The following PTPRG variants were observed in gnomAD, a reference collection of about 807,000 sequenced individuals.
PTPRG encodes the protein receptor-type tyrosine-protein phosphatase gamma.
In PTPRG, 102 loss-of-function variants were observed where a neutral mutation model predicts 165.3. The ratio of observed to expected loss-of-function variants is 0.62; its 90% CI spans 0.53 to 0.73. The LOEUF (loss-of-function observed/expected upper bound fraction) is 0.73. Among genes scored for constraint, PTPRG ranks in the 30% least tolerant of loss-of-function variants. The pLI is 0.00. For synonymous variants in PTPRG, 675 were observed against 669.5 expected (o/e 1.01, Z -0.13); for missense variants, 1,866 against 1,861.4 (o/e 1.00, Z -0.05).
chr3:61,609,504 C>T (rs989156542), intron 1 of PTPRG, among the ~76,000 whole-genome samples: 1 of 152,172 alleles, frequency 6.6e-6, no homozygotes, highest in African/African-American at 2.4e-5. Context: ...AGGTGGTTCA[C>T]CAACAACTAC....
At chr3:61,650,786 C>G (rs1435478270) in intron 1 of PTPRG, among the ~76,000 whole-genome samples, 2 of 152,144 alleles carry the variant, frequency 1.3e-5, no homozygotes, top group South Asian at 2.1e-4. Flanking sequence ...GTTTAACTCT[C>G]GATTTGCAAA....
rs1423026226 is a variant in PTPRG at position 62,294,087 on chromosome 3, G to GCTAT, written c.*783_*786dup. The GCTAT allele has an allele frequency of 6.6e-6, 1 of 152,166 alleles. No homozygotes were observed. The highest frequency in any genetic ancestry group is 1.9e-4 in the East Asian group (1 of 5,190). The allele number at this position is 152,166 out of a possible 1,614,324, so 9.4% of individuals were successfully genotyped here. A position where few individuals can be genotyped will look rare whatever the true frequency, so the allele number is the denominator to read the frequency against. ...AAAATAGCTACATCCTAAAATCAGGGCTATCTTTAACAATAGCAAGATAGC... is the reference window on the plus strand; with the variant it reads ...AAAATAGCTACATCCTAAAATCAGGGCTATCTATCTTTAACAATAGCAAGATAGC... On this transcript the variant is annotated 3_prime_UTR_variant, in exon 30 of 30. Coordinates refer to ENST00000474889, the MANE Select transcript of PTPRG (RefSeq NM_002841.4).
At chr3:62,267,338 G>A in intron 17 of PTPRG, 72 bp from the exon 18 acceptor site, 1 of 1,174,014 alleles carries the variant, frequency 8.5e-7, no homozygotes, top group Non-Finnish European at 1.2e-6. Flanking sequence ...ATTGCCTTGT[G>A]TTGTGCTTTA....
intron 1 of PTPRG, among the ~76,000 whole-genome samples, chr3:61,706,388 A>G (rs970430155): frequency 5.9e-5 from 9 of 151,412 alleles, no homozygotes; most frequent in African/African-American, 2.2e-4. Context: ...TTTTTTTTTT[A>G]TAACATGTAT....
At chr3:62,099,542 G>T (rs568340820) in intron 5 of PTPRG, among the ~76,000 whole-genome samples, 1 of 151,916 alleles carries the variant, frequency 6.6e-6, no homozygotes, top group South Asian at 2.1e-4. Flanking sequence ...TAAAAATTAC[G>T]CTTTATGTTC....
intron 29 of PTPRG, 105 bp downstream of exon 29, chr3:62,292,661 G>A (rs1019112357): frequency 7.4e-7 from 1 of 1,360,170 alleles, no homozygotes; most frequent in South Asian, 1.4e-5. Context: ...CCCCCCAGGG[G>A]ACATTTGGCC....
chr3:61,671,923 C>G (rs1453339749), intron 1 of PTPRG, among the ~76,000 whole-genome samples: 2 of 141,606 alleles, frequency 1.4e-5, no homozygotes, highest in South Asian at 2.3e-4. Flanking sequence ...CCCTCCCGGA[C>G]GAGGTGGCTG....
intron 4 of PTPRG, among the ~76,000 whole-genome samples, chr3:62,044,364 C>T (rs1159534207): frequency 6.6e-6 from 1 of 152,092 alleles, no homozygotes; most frequent in African/African-American, 2.4e-5. Context: ...TATGGTGAAA[C>T]CCCGTCTCTA....
chr3:61,818,618 C>T (rs551453351), intron 2 of PTPRG, among the ~76,000 whole-genome samples: 5 of 151,972 alleles, frequency 3.3e-5, no homozygotes, highest in Non-Finnish European at 7.4e-5. Context: ...GAGTCATGAA[C>T]GTGGCACTGT....
intron 2 of PTPRG, among the ~76,000 whole-genome samples, chr3:61,913,448 T>C (rs2038853243): frequency 6.6e-6 from 1 of 152,164 alleles, no homozygotes; most frequent in African/African-American, 2.4e-5. Flanking sequence ...TTCAATCTCC[T>C]GACCTCGTGA....
At chr3:61,907,520 G>A (rs1274107716) in intron 2 of PTPRG, among the ~76,000 whole-genome samples, 1 of 152,140 alleles carries the variant, frequency 6.6e-6, no homozygotes, top group East Asian at 1.9e-4. Context: ...TTTATGGAAG[G>A]TCCTTTTATG....
At chr3:62,175,025 C>G (rs958259610) in intron 8 of PTPRG, among the ~76,000 whole-genome samples, 1 of 152,054 alleles carries the variant, frequency 6.6e-6, no homozygotes, top group African/African-American at 2.4e-5. Context: ...GTTTCAAGAC[C>G]CTTGGAACAT....
chr3:61,745,579 A>T (rs1021823050), intron 1 of PTPRG, among the ~76,000 whole-genome samples: 1 of 152,106 alleles, frequency 6.6e-6, no homozygotes, highest in Non-Finnish European at 1.5e-5. Flanking sequence ...GATAAGATTA[A>T]CCTACCTTCT....
At chr3:62,149,591 T>C (rs1704251407) in intron 6 of PTPRG, among the ~76,000 whole-genome samples, 1 of 152,134 alleles carries the variant, frequency 6.6e-6, no homozygotes, top group South Asian at 2.1e-4. Context: ...AATCTAATAC[T>C]TTCCCACCTC....
chr3:62,144,381 A>G (rs879666125), intron 6 of PTPRG, among the ~76,000 whole-genome samples: 13 of 152,208 alleles, frequency 8.5e-5, no homozygotes, highest in Non-Finnish European at 1.5e-4. Context: ...ACATGTTTCA[A>G]CTGAATTAAT....
chr3:62,116,509 C>T (rs915229788), intron 5 of PTPRG, among the ~76,000 whole-genome samples: 47 of 152,102 alleles, frequency 3.1e-4, no homozygotes, highest in African/African-American at 1.1e-3. Flanking sequence ...TGAACTACTA[C>T]TTGGACAAAC....
At chr3:61,771,750 G>A (rs1288872986) in intron 2 of PTPRG, among the ~76,000 whole-genome samples, 1 of 151,952 alleles carries the variant, frequency 6.6e-6, no homozygotes, top group African/African-American at 2.4e-5. Flanking sequence ...GTAGGCTTTG[G>A]TGAGCAGATA....
intron 2 of PTPRG, among the ~76,000 whole-genome samples, chr3:61,779,009 CAAT>C (rs1289535760): frequency 6.6e-6 from 1 of 152,046 alleles, no homozygotes; most frequent in Non-Finnish European, 1.5e-5. Context: ...GCATTAAAGA[CAAT>C]AAAATCCTAA....
At chr3:62,223,463 C>T (rs944687933) in intron 13 of PTPRG, among the ~76,000 whole-genome samples, 2 of 152,088 alleles carry the variant, frequency 1.3e-5, no homozygotes, top group African/African-American at 4.8e-5. Context: ...ATTGTGCATT[C>T]GTGGTATTAA....
Sources: allele counts gnomAD v4.1 joint callset (sites outside exome capture counted in the v4.1 genomes callset), GRCh38; gene constraint gnomAD v4.1.1; transcripts MANE v1.5; gene names NCBI Gene and HGNC (gene_info 2026-07-23, HGNC 2026-07-21).